The following MARCHF1 variants were observed in gnomAD, a reference collection of about 807,000 sequenced individuals.
MARCHF1 encodes membrane associated ring-CH-type finger 1.
MARCHF1 carries 40 observed loss-of-function variants against 54.2 expected under a neutral mutation model. That is an observed-to-expected ratio of 0.74 (90% CI 0.57 to 0.96). The LOEUF (loss-of-function observed/expected upper bound fraction) is 0.96. Among genes scored for constraint, MARCHF1 ranks in the 40% least tolerant of loss-of-function variants. MARCHF1 has a pLI of 0.00. For synonymous variants in MARCHF1, 236 were observed against 236.3 expected, an observed-to-expected ratio of 1.00 and a Z score of 0.01; for missense variants, 586 against 656.5, an observed-to-expected ratio of 0.89 and a Z score of 1.17.
chr4:164,305,069 C>A (rs956687807), intron 1 of MARCHF1, among the ~76,000 whole-genome samples: 2 of 152,120 alleles, frequency 1.3e-5, no homozygotes, highest in African/African-American at 4.8e-5. Context: ...ACTGGACCCA[C>A]TCAGTCATCT....
At chr4:164,299,244 T>C (rs931377620) in intron 1 of MARCHF1, among the ~76,000 whole-genome samples, 1 of 152,152 alleles carries the variant, frequency 6.6e-6, no homozygotes, top group Non-Finnish European at 1.5e-5. Flanking sequence ...TAAAATGGCC[T>C]CCTAGACTTA....
At chr4:163,553,410 T>C (rs1739179031) in intron 8 of MARCHF1, among the ~76,000 whole-genome samples, 1 of 152,218 alleles carries the variant, frequency 6.6e-6, no homozygotes, top group South Asian at 2.1e-4. Flanking sequence ...AAAGCACCTG[T>C]TCCCCACTTC....
intron 3 of MARCHF1, among the ~76,000 whole-genome samples, chr4:163,945,087 G>C (rs1234062690): frequency 6.6e-6 from 1 of 152,010 alleles, no homozygotes; most frequent in East Asian, 1.9e-4. Flanking sequence ...CTACATCTCA[G>C]GCATATGAGA....
intron 1 of MARCHF1, among the ~76,000 whole-genome samples, chr4:164,194,343 G>T (rs1158269461): frequency 6.6e-6 from 1 of 152,120 alleles, no homozygotes; most frequent in Non-Finnish European, 1.5e-5. Context: ...CAGATTAAGG[G>T]CACTGCAGGT....
intron 5 of MARCHF1, among the ~76,000 whole-genome samples, chr4:163,636,914 C>G (rs1186608571): frequency 1.3e-5 from 2 of 152,186 alleles, no homozygotes; most frequent in African/African-American, 4.8e-5. Context: ...ATCAATGGAA[C>G]AGGACAGAGC....
chr4:164,058,169 T>G (rs894287184), intron 2 of MARCHF1, among the ~76,000 whole-genome samples: 2 of 152,092 alleles, frequency 1.3e-5, no homozygotes, highest in African/African-American at 4.8e-5. Flanking sequence ...ATACCTAATG[T>G]AGGTGATGGG....
chr4:164,111,498 T>C (rs1755832666), intron 2 of MARCHF1, 90 bp downstream of exon 2: 1 of 151,720 alleles, frequency 6.6e-6, no homozygotes. Flanking sequence ...TAAAACAAAA[T>C]TAAACTCTAA....
intron 3 of MARCHF1, among the ~76,000 whole-genome samples, chr4:163,892,302 AT>A (rs1750677958): frequency 6.6e-6 from 1 of 152,066 alleles, no homozygotes; most frequent in Non-Finnish European, 1.5e-5. Flanking sequence ...TTATTTATTT[AT>A]TGTCTAAAAC....
intron 1 of MARCHF1, among the ~76,000 whole-genome samples, chr4:164,361,621 G>A (rs1730724505): frequency 6.6e-6 from 1 of 152,078 alleles, no homozygotes; most frequent in African/African-American, 2.4e-5. Context: ...TACCACTGTA[G>A]AAAGCTGTTT....
At chr4:163,535,370 A>G (rs945175292) in intron 9 of MARCHF1, among the ~76,000 whole-genome samples, 14 of 152,176 alleles carry the variant, frequency 9.2e-5, no homozygotes, top group African/African-American at 3.1e-4. Context: ...ATCTATTTCA[A>G]TTCTCCCTTC....
chr4:164,060,325 A>AT (rs1754588223), intron 2 of MARCHF1, among the ~76,000 whole-genome samples: 1 of 152,144 alleles, frequency 6.6e-6, no homozygotes, highest in Non-Finnish European at 1.5e-5. Context: ...CGTAAGACAT[A>AT]TGTACACAAA....
intron 4 of MARCHF1, among the ~76,000 whole-genome samples, chr4:163,703,022 T>C (rs909105086): frequency 2.0e-5 from 3 of 152,288 alleles, no homozygotes; most frequent in Non-Finnish European, 4.4e-5. Flanking sequence ...CAGGAGTACA[T>C]TGTTTGACAT....
intron 1 of MARCHF1, among the ~76,000 whole-genome samples, chr4:164,336,512 C>A (rs1729745961): frequency 6.6e-6 from 1 of 152,092 alleles, no homozygotes; most frequent in Non-Finnish European, 1.5e-5. Context: ...TCTATTGAAG[C>A]AAATATTCAT....
chr4:163,923,208 C>G (rs1321636353), intron 3 of MARCHF1, among the ~76,000 whole-genome samples: 1 of 152,136 alleles, frequency 6.6e-6, no homozygotes, highest in Non-Finnish European at 1.5e-5. Flanking sequence ...TAACTGCTTT[C>G]TGAAATGACA....
At chr4:163,615,857 T>A (rs534517878) in intron 5 of MARCHF1, among the ~76,000 whole-genome samples, 1 of 152,116 alleles carries the variant, frequency 6.6e-6, no homozygotes, top group African/African-American at 2.4e-5. Context: ...CAAAAGAGCA[T>A]GGCATTGTTA....
intron 5 of MARCHF1, among the ~76,000 whole-genome samples, chr4:163,624,502 C>T (rs933691108): frequency 7.9e-5 from 12 of 152,190 alleles, no homozygotes; most frequent in African/African-American, 1.4e-4. Flanking sequence ...CTAGAAAACA[C>T]GTCCCAAATA....
chr4:164,209,973 T>C (rs2111114499), intron 1 of MARCHF1, among the ~76,000 whole-genome samples: 1 of 152,314 alleles, frequency 6.6e-6, no homozygotes, highest in East Asian at 1.9e-4. Context: ...ATGAGTTATT[T>C]GAATAAACAT....
chr4:164,287,070 T>G, intron 1 of MARCHF1, among the ~76,000 whole-genome samples: 1 of 148,536 alleles, frequency 6.7e-6, no homozygotes, highest in East Asian at 1.9e-4. Context: ...AAAAATAATT[T>G]TATAGTATTA....
chr4:164,300,600 G>A (rs1734530782), intron 1 of MARCHF1, among the ~76,000 whole-genome samples: 1 of 152,046 alleles, frequency 6.6e-6, no homozygotes, highest in African/African-American at 2.4e-5. Flanking sequence ...AAGCTATAGG[G>A]GAGTGATCTC....
Sources: gnomAD v4.1 joint callset for allele counts (sites outside exome capture counted in the v4.1 genomes callset) on GRCh38, gnomAD v4.1.1 for gene constraint, MANE v1.5 for transcripts, NCBI Gene and HGNC (gene_info 2026-07-23, HGNC 2026-07-21) for gene names.